TMEM117: variants seen among roughly 807,000 people sequenced by gnomAD.
The protein encoded by TMEM117 is transmembrane protein 117.
TMEM117 carries 27 observed loss-of-function variants against 52.4 expected under a neutral mutation model. The ratio of observed to expected loss-of-function variants is 0.51; its 90% CI spans 0.38 to 0.71. The LOEUF (loss-of-function observed/expected upper bound fraction) is 0.71, where lower values mean the gene tolerates loss of function less well. Ranked by LOEUF, TMEM117 falls within the 30% of genes least tolerant of loss-of-function variation. The pLI is 0.00. For synonymous variants in TMEM117, 215 were observed against 206.3 expected, an observed-to-expected ratio of 1.04 and a Z score of -0.36; for missense variants, 556 against 630.5, an observed-to-expected ratio of 0.88 and a Z score of 1.26.
At chr12:44,033,696 C>T (rs1946668743) in intron 3 of TMEM117, among the ~76,000 whole-genome samples, 1 of 152,206 alleles carries the variant, frequency 6.6e-6, no homozygotes, top group Admixed American at 6.5e-5. Flanking sequence ...TTAATCCCTT[C>T]AGTAGAAAAA....
chr12:44,275,920 T>A (rs1950506430), intron 5 of TMEM117, among the ~76,000 whole-genome samples: 1 of 152,234 alleles, frequency 6.6e-6, no homozygotes, highest in African/African-American at 2.4e-5. Context: ...ACAATAAGTG[T>A]ATATTTAAAA....
chr12:44,229,096 A>G (rs1018169173), intron 5 of TMEM117, among the ~76,000 whole-genome samples: 2 of 152,176 alleles, frequency 1.3e-5, no homozygotes, highest in East Asian at 1.9e-4. Context: ...GAAAGAGGCT[A>G]TCTCCAAAGA....
intron 3 of TMEM117, among the ~76,000 whole-genome samples, chr12:44,015,261 T>C (rs1476894535): frequency 6.6e-6 from 1 of 152,184 alleles, no homozygotes; most frequent in East Asian, 1.9e-4. Flanking sequence ...TGTATCCATA[T>C]TGATATTCTT....
chr12:43,887,208 A>G (rs1218464516), intron 2 of TMEM117, among the ~76,000 whole-genome samples: 1 of 152,126 alleles, frequency 6.6e-6, no homozygotes, highest in Non-Finnish European at 1.5e-5. Context: ...ATTTTTACCT[A>G]AAGCAAGAAG....
intron 3 of TMEM117, among the ~76,000 whole-genome samples, chr12:44,050,889 C>T (rs1188748249): frequency 6.6e-6 from 1 of 152,188 alleles, no homozygotes; most frequent in Non-Finnish European, 1.5e-5. Flanking sequence ...AGGGCAATAT[C>T]GCCCATGTCC....
At chr12:43,902,155 A>G (rs1944314364) in intron 2 of TMEM117, among the ~76,000 whole-genome samples, 1 of 152,264 alleles carries the variant, frequency 6.6e-6, no homozygotes, top group Admixed American at 6.5e-5. Flanking sequence ...CTGGAACAGA[A>G]GTGATCTAGG....
rs1949196860 is a variant in TMEM117, at chr12:44,181,416, G to A, written c.511-29874G>A. Reference sequence around the variant, plus strand: ...CCATTGCTTTTGGTGTTTTAGACATGAAGTCCTTGCCCATGCCTATGTCCT... The same window carrying A: ...CCATTGCTTTTGGTGTTTTAGACATAAAGTCCTTGCCCATGCCTATGTCCT... On this transcript the variant is annotated intron_variant, in intron 4 of 7. Coordinates refer to ENST00000266534, the MANE Select transcript of TMEM117 (RefSeq NM_032256.3). 2.0e-5 allele frequency among the ~76,000 whole-genome samples: 3 copies of A among 151,916 alleles called. No individual in the cohort carries two copies. In the South Asian group the frequency reaches 6.2e-4, roughly 32 times the overall value.
intron 2 of TMEM117, among the ~76,000 whole-genome samples, chr12:43,886,232 A>C (rs1234446822): frequency 6.6e-6 from 1 of 152,156 alleles, no homozygotes; most frequent in African/African-American, 2.4e-5. Context: ...GGGACTAAGG[A>C]ATATAAGGGA....
At chr12:44,344,302 C>G (rs568233380) in intron 6 of TMEM117, among the ~76,000 whole-genome samples, 14 of 152,118 alleles carry the variant, frequency 9.2e-5, no homozygotes, top group Non-Finnish European at 1.9e-4. Context: ...AAAGACTGAA[C>G]AGACACCCAG....
At chr12:44,350,867 T>C (rs1951552888) in intron 6 of TMEM117, among the ~76,000 whole-genome samples, 1 of 152,048 alleles carries the variant, frequency 6.6e-6, no homozygotes, top group African/African-American at 2.4e-5. Context: ...TTCCTTTCTT[T>C]TGGGTATATA....
intron 5 of TMEM117, among the ~76,000 whole-genome samples, chr12:44,224,425 A>G (rs1004823273): frequency 7.9e-5 from 12 of 151,980 alleles, no homozygotes; most frequent in African/African-American, 2.7e-4. Flanking sequence ...TACATCCTTC[A>G]TCTGTGCCAA....
intron 5 of TMEM117, among the ~76,000 whole-genome samples, chr12:44,230,043 T>C (rs1024046502): frequency 6.6e-6 from 1 of 152,130 alleles, no homozygotes; most frequent in Non-Finnish European, 1.5e-5. Flanking sequence ...CAACCTATTA[T>C]CTTCATTTCA....
the TMEM117 span, among the ~76,000 whole-genome samples, chr12:44,396,929 C>T: frequency 6.6e-6 from 1 of 152,030 alleles, no homozygotes; most frequent in African/African-American, 2.4e-5. Context: ...CTGATCCTCT[C>T]CATGATAGAG....
At chr12:44,071,892 C>G (rs1051696984) in intron 3 of TMEM117, among the ~76,000 whole-genome samples, 7 of 152,172 alleles carry the variant, frequency 4.6e-5, no homozygotes, top group African/African-American at 1.7e-4. Flanking sequence ...TCCGGAGGTT[C>G]TGGTTAAGCA....
intron 6 of TMEM117, among the ~76,000 whole-genome samples, chr12:44,353,162 A>G (rs1160959429): frequency 6.6e-6 from 1 of 151,944 alleles, no homozygotes; most frequent in Non-Finnish European, 1.5e-5. Context: ...TTTCTTGTAA[A>G]TTTGTTTGAG....
At chr12:43,952,732 C>T (rs747409399) in intron 3 of TMEM117, among the ~76,000 whole-genome samples, 47 of 152,112 alleles carry the variant, frequency 3.1e-4, no homozygotes, top group Non-Finnish European at 5.6e-4. Context: ...AGGATATCAT[C>T]CAGGAGAACT....
chr12:43,988,109 G>A (rs1009510482), intron 3 of TMEM117, among the ~76,000 whole-genome samples: 1 of 151,978 alleles, frequency 6.6e-6, no homozygotes, highest in Admixed American at 6.6e-5. Flanking sequence ...ACTACCTATG[G>A]AAAACATGAA....
Position 43,944,321 on chromosome 12 carries a change from T to G in TMEM117, c.389T>G (p.Leu130Arg). The change falls in exon 3 of 8, where the codon CTT becomes CGT. Residue 130 changes from leucine (L) to arginine (R), a missense_variant. Around this residue, in one of 3 missense-constraint regions of TMEM117, gnomAD observed 328 missense variants for 371.4 expected, o/e 0.88. Coordinates refer to ENST00000266534, the MANE Select transcript of TMEM117 (RefSeq NM_032256.3). ...FIFSHIYNTILLMDGNMGAYI... is the reference protein window; with the variant it reads ...FIFSHIYNTIRLMDGNMGAYI... The stretch of plus-strand genomic sequence containing the variant: ...TTTTCTCACATATACAACACGATTC[T>G]TCTAATGGATGGGAACATGGGGTAG... 1 of 1,612,168 alleles carries G rather than the reference T, an allele frequency of 6.2e-7. No homozygotes were observed. The highest frequency in any genetic ancestry group is 8.5e-7 in the Non-Finnish European group (1 of 1,178,728).
chr12:43,844,665 T>TGG lies in TMEM117; in HGVS notation c.14_15insGG (p.Phe5LeufsTer13). ...GAGTTCTGAAGAATGGGTAAAGACT[T>TGG]TCGTTACTATTTCCAGCATCCCTGG... On this transcript the variant is annotated frameshift_variant, in exon 2 of 8. Transcript: ENST00000266534. LOFTEE classifies it high-confidence loss of function. The TGG allele has an allele frequency of 6.2e-7, 1 of 1,613,570 alleles. No individual in the cohort carries two copies. The highest frequency in any genetic ancestry group is 8.5e-7 in the Non-Finnish European group (1 of 1,179,858).
Sources: gnomAD v4.1 joint callset for allele counts (sites outside exome capture counted in the v4.1 genomes callset) on GRCh38, gnomAD v4.1.1 for gene constraint, gnomAD v4.1.1 regional missense constraint, MANE v1.5 for transcripts, NCBI Gene and HGNC (gene_info 2026-07-23, HGNC 2026-07-21) for gene names.